FUT8: variants seen among roughly 807,000 people sequenced by gnomAD.
FUT8 encodes alpha-(1,6)-fucosyltransferase.
Under a neutral mutation model 71.3 loss-of-function variants are expected in FUT8, and 29 were observed. The ratio of observed to expected loss-of-function variants is 0.41; its 90% CI spans 0.30 to 0.55. FUT8 has a LOEUF of 0.55. FUT8 is among the 20% of genes least tolerant of loss of function. The pLI is 0.34. For synonymous variants in FUT8, 254 were observed against 239.3 expected (o/e 1.06, Z -0.57); for missense variants, 544 against 702.1 (o/e 0.77, Z 2.55).
intron 3 of FUT8, among the ~76,000 whole-genome samples, chr14:65,592,169 G>A (rs981610680): frequency 6.6e-6 from 1 of 151,970 alleles, no homozygotes; most frequent in African/African-American, 2.4e-5. Context: ...AATCCCTTTG[G>A]ATATATATGA....
chr14:65,593,148 A>C (rs1490890666), intron 3 of FUT8, among the ~76,000 whole-genome samples: 3 of 152,200 alleles, frequency 2.0e-5, no homozygotes, highest in Admixed American at 1.3e-4. Flanking sequence ...ATCCTAGATT[A>C]TTGATTTTAC....
At position 65,598,490 on chromosome 14, in the gene FUT8, G is replaced by C. The variant is rs113727164; in HGVS notation, c.204-17488G>C. On this transcript the variant is annotated intron_variant, in intron 3 of 10. Transcript: ENST00000673929. ...CCCGCCTCGGCCTCCCAAAGTGCTAGGATTGCAGGCGTGAGCCACTGCGCC... is the reference window on the plus strand; with the variant it reads ...CCCGCCTCGGCCTCCCAAAGTGCTACGATTGCAGGCGTGAGCCACTGCGCC... Among the ~76,000 whole-genome samples the C allele has an allele frequency of 9.3e-3, 1,420 of 152,270 alleles. 22 individuals are homozygous for C. The highest frequency in any genetic ancestry group is 0.033 in the African/African-American group (1,352 of 41,538).
intron 10 of FUT8, among the ~76,000 whole-genome samples, chr14:65,734,679 A>G (rs919474878): frequency 2.6e-5 from 4 of 152,152 alleles, no homozygotes; most frequent in Non-Finnish European, 5.9e-5. Context: ...GAGTCTGACT[A>G]TGCATCTGCC....
At chr14:65,393,316 A>G in the FUT8 span, among the ~76,000 whole-genome samples, 4 of 152,348 alleles carry the variant, frequency 2.6e-5, no homozygotes, top group East Asian at 5.8e-4. Context: ...GGGTGGCCCA[A>G]GAAAGCAGAA....
intron 7 of FUT8, among the ~76,000 whole-genome samples, chr14:65,698,066 A>G (rs775831927): frequency 2.6e-5 from 4 of 152,164 alleles, no homozygotes; most frequent in Non-Finnish European, 5.9e-5. Flanking sequence ...TGTTATTATA[A>G]TGTGTAGAAA....
the FUT8 span, among the ~76,000 whole-genome samples, chr14:65,362,011 G>A: frequency 5.3e-5 from 8 of 152,032 alleles, no homozygotes; most frequent in Admixed American, 5.2e-4. Flanking sequence ...AGCATATCTT[G>A]TTTCAACAAC....
At chr14:65,538,792 C>T (rs577182604) in intron 2 of FUT8, among the ~76,000 whole-genome samples, 10 of 151,954 alleles carry the variant, frequency 6.6e-5, no homozygotes, top group Admixed American at 2.6e-4. Context: ...TGGTGGCATG[C>T]GCCTGTAATC....
In FUT8 at chr14:65,611,277, ACACACACACACACACACACACACAC is replaced by A. The variant is rs1566851447; in HGVS notation, c.204-4699_204-4675del. ...CACACACACACACACACACACACAC[ACACACACACACACACACACACACAC>A]CCCCCAAGTAATAGCCTTGATTTTG... On this transcript the variant is annotated intron_variant, in intron 3 of 10. Transcript: ENST00000673929. 8.5e-4 allele frequency among the ~76,000 whole-genome samples: 48 copies of A among 56,686 alleles called. 8 individuals carry two copies. The highest frequency in any genetic ancestry group is 2.8e-3 in the African/African-American group (29 of 10,406). The allele number at this position is 56,686 out of a possible 152,430, so 37.2% of individuals were successfully genotyped here.
chr14:65,453,590 T>C (rs537474710), intron 1 of FUT8, among the ~76,000 whole-genome samples: 3 of 152,272 alleles, frequency 2.0e-5, no homozygotes, highest in African/African-American at 7.2e-5. Context: ...CTAGGGCAAA[T>C]TTAGCCCTCC....
intron 2 of FUT8, among the ~76,000 whole-genome samples, chr14:65,520,355 C>T (rs938806103): frequency 6.6e-6 from 1 of 152,022 alleles, no homozygotes; most frequent in Non-Finnish European, 1.5e-5. Context: ...TTTTGGCACT[C>T]ATTTTTGCTT....
intron 2 of FUT8, among the ~76,000 whole-genome samples, chr14:65,508,511 TTTTTTTG>T: frequency 7.3e-6 from 1 of 136,830 alleles, no homozygotes; most frequent in Non-Finnish European, 1.6e-5. Flanking sequence ...TTTTTTTTTT[TTTTTTTG>T]AGATGGAGTT....
At chr14:65,394,763 T>TTC in the FUT8 span, among the ~76,000 whole-genome samples, 2 of 151,364 alleles carry the variant, frequency 1.3e-5, no homozygotes, top group African/African-American at 4.9e-5. Flanking sequence ...TTTTTTTTTT[T>TTC]TTTTTGAGAC....
At chr14:65,663,294 G>A (rs1485516854) in intron 6 of FUT8, among the ~76,000 whole-genome samples, 1 of 151,858 alleles carries the variant, frequency 6.6e-6, no homozygotes, top group African/African-American at 2.4e-5. Flanking sequence ...GAATAACAAA[G>A]GCTTAGCTCA....
chr14:65,507,415 G>GT (rs890774455), intron 2 of FUT8, among the ~76,000 whole-genome samples: 6 of 152,010 alleles, frequency 3.9e-5, no homozygotes, highest in Non-Finnish European at 8.8e-5. Context: ...CATTCATCCT[G>GT]TTTTTTTGTA....
Position 65,742,718 on chromosome 14 carries a change from G to T in FUT8, c.*308G>T. 1 of 253,486 alleles carries T rather than the reference G, an allele frequency of 3.9e-6. No homozygotes were observed. Among genetic ancestry groups the T allele is most frequent in the Non-Finnish European group, 7.7e-6 (1 of 130,412 alleles). The allele number at this position is 253,486 out of a possible 1,614,324, so 15.7% of individuals were successfully genotyped here. A position where few individuals can be genotyped will look rare whatever the true frequency, so the allele number is the denominator to read the frequency against. On this transcript the variant is annotated 3_prime_UTR_variant, in exon 11 of 11. Coordinates refer to ENST00000673929, the MANE Select transcript of FUT8 (RefSeq NM_001371533.1). ...CCCATAAGACAAACACTGCCATATT[G>T]TGTAATTTAAGTGACACAGACATTT...
chr14:65,677,151 T>TGTGTGTGTGTGTGTGTGTGCGCGCGC, intron 7 of FUT8, among the ~76,000 whole-genome samples: 1 of 110,702 alleles, frequency 9.0e-6, no homozygotes, highest in Non-Finnish European at 1.8e-5. Context: ...TGTGTGTGTG[T>TGTGTGTGTGTGTGTGTGTGCGCGCGC]GCGCGCGCGC....
At chr14:65,499,783 A>G (rs996390027) in intron 2 of FUT8, among the ~76,000 whole-genome samples, 2 of 149,464 alleles carry the variant, frequency 1.3e-5, no homozygotes, top group East Asian at 3.9e-4. Flanking sequence ...GTACCATTGC[A>G]CTCCAGCCTG....
At chr14:65,386,116 C>T in the FUT8 span, among the ~76,000 whole-genome samples, 1 of 151,306 alleles carries the variant, frequency 6.6e-6, no homozygotes. Flanking sequence ...TGCGCCCTTG[C>T]ACTCCAGCCT....
chr14:65,379,003 T>C, the FUT8 span, among the ~76,000 whole-genome samples: 1 of 151,668 alleles, frequency 6.6e-6, no homozygotes, highest in Admixed American at 6.6e-5. Flanking sequence ...CATTCCACCA[T>C]GCCTGGCTAA....
Sources: gnomAD v4.1 joint callset for allele counts (sites outside exome capture counted in the v4.1 genomes callset) on GRCh38, gnomAD v4.1.1 for gene constraint, MANE v1.5 for transcripts, NCBI Gene and HGNC (gene_info 2026-07-23, HGNC 2026-07-21) for gene names.